Variants in CCNP observed in about 807,000 individuals in gnomAD.
The protein encoded by CCNP is cyclin-P.
A neutral mutation model predicts 19.6 loss-of-function variants in CCNP; 18 were observed. That is an observed-to-expected ratio of 0.92 (90% CI 0.64 to 1.36). The LOEUF (loss-of-function observed/expected upper bound fraction) is 1.36. Among genes scored for constraint, CCNP ranks in the 40% most tolerant of loss-of-function variants. The pLI is 0.00. For synonymous variants in CCNP, 228 were observed against 194.9 expected, an observed-to-expected ratio of 1.17 and a Z score of -1.41; for missense variants, 440 against 424.4, an observed-to-expected ratio of 1.04 and a Z score of -0.32.
rs569301505 is a variant in CCNP at position 40,223,367 on chromosome 19, C to T, written c.672+21G>A. On this transcript the variant is annotated intron_variant, in intron 4 of 4. Transcript: ENST00000430325. ...CTTCGCGCCGGCCACGCCCCCACCC[C>T]GCGTATTCACAAGGGCTCACCTGGG... is the stretch of plus-strand genomic sequence containing the variant. 3 of 1,495,614 alleles carry T rather than the reference C, an allele frequency of 2.0e-6. No individual in the cohort carries two copies. In the African/African-American group the frequency reaches 4.2e-5, roughly 21 times the overall value. The allele number at this position is 1,495,614 out of a possible 1,614,324, so 92.6% of individuals were successfully genotyped here. A position where few individuals can be genotyped will look rare whatever the true frequency, so the allele number is the denominator to read the frequency against.
At chr19:40,224,378 T>C in intron 3 of CCNP, 110 bp downstream of exon 3, 1 of 1,224,560 alleles carries the variant, frequency 8.2e-7, no homozygotes, top group Non-Finnish European at 1.2e-6. Flanking sequence ...CCCTCCCTCA[T>C]ACATGTTGGG....
intron 1 of CCNP, 136 bp downstream of exon 1, chr19:40,226,239 C>T: frequency 4.1e-6 from 3 of 732,794 alleles, no homozygotes; most frequent in Non-Finnish European, 6.6e-6. Flanking sequence ...AAAGCCTGGA[C>T]GTTGCAGGGA....
rs748875674 is a variant in CCNP at position 40,222,378 on chromosome 19, G to C, written c.*674C>G. The C allele has an allele frequency of 5.0e-6, 2 of 399,020 alleles. No homozygotes were observed. The highest frequency in any genetic ancestry group is 4.4e-6 in the Non-Finnish European group (1 of 226,084). 24.7% of individuals were successfully genotyped at this position (399,020 alleles called of 1,614,324 possible). ...AGGCTGGTCCCCTGGCGCTGGGGCC[G>C]CGCATACTTGAGGAAGACTGCGGCG... is the stretch of plus-strand genomic sequence containing the variant. On this transcript the variant is annotated 3_prime_UTR_variant, in exon 5 of 5. Coordinates refer to ENST00000430325, the MANE Select transcript of CCNP (RefSeq NM_024877.4).
rs2145115867 is a variant in CCNP, at chr19:40,223,715, C to G, written c.514-169G>C. 4 of 895,260 alleles carry G rather than the reference C, an allele frequency of 4.5e-6. No individual in the cohort carries two copies. In the East Asian group the frequency reaches 9.8e-5, roughly 22 times the overall value. The allele number at this position is 895,260 out of a possible 1,614,324, so 55.5% of individuals were successfully genotyped here. On this transcript the variant is annotated intron_variant, in intron 3 of 4. Transcript: ENST00000430325. ...AGCACGGGCTTGAGGGTCCTGGGTT[C>G]AAGACCTAGGTTCGAGTTCAAACCC...
chr19:40,223,416 A>G lies in CCNP; in HGVS notation c.644T>C (p.Leu215Pro). The change falls in exon 4 of 5, where the codon CTG becomes CCG. Residue 215 changes from leucine to proline, a missense_variant. By Grantham distance (98) the Leu-to-Pro change is moderately conservative. Transcript: ENST00000430325. ...GGGGCTGCTCCCTGCCAGCGCGGCC[A>G]GCAGCCCGAGGCACAGCAGCGGGCC... ...HPGPLLCLGL[L>P]AALAGSSPQV... The G allele has an allele frequency of 6.3e-7, 1 of 1,588,082 alleles. No individual in the cohort carries two copies. The highest frequency in any genetic ancestry group is 8.6e-7 in the Non-Finnish European group (1 of 1,168,180).
In CCNP at chr19:40,226,663, C is replaced by A. The variant is rs772911166; in HGVS notation, c.-22G>T. ...GCATCCTCCAGGAGGGTGTTGCGGG[C>A]GAGGCCAAGCACCGACCCTTGCAGC... is the stretch of plus-strand genomic sequence containing the variant. On this transcript the variant is annotated 5_prime_UTR_variant, in exon 1 of 5. Coordinates refer to ENST00000430325, the MANE Select transcript of CCNP (RefSeq NM_024877.4). 9 of 1,540,086 alleles carry A rather than the reference C, an allele frequency of 5.8e-6. No homozygotes were observed. In the South Asian group the frequency reaches 7.4e-5, roughly 13 times the overall value.
rs77486974 is a variant in CCNP, at chr19:40,224,392, C to T, written c.513+96G>A. 3,545 of 1,401,866 alleles carry T rather than the reference C, an allele frequency of 2.5e-3. 71 individuals carry two copies. The African/African-American group carries it at 0.045, about 18-fold the overall frequency. The allele number at this position is 1,401,866 out of a possible 1,614,324, so 86.8% of individuals were successfully genotyped here. A position where few individuals can be genotyped will look rare whatever the true frequency, so the allele number is the denominator to read the frequency against. On this transcript the variant is annotated intron_variant, in intron 3 of 4. Coordinates refer to ENST00000430325, the MANE Select transcript of CCNP (RefSeq NM_024877.4). ...CCCCTCCCTCATACATGTTGGGAAT[C>T]CCAGACTCAGCACGGTGCTTGGCAC...
intron 1 of CCNP, 47 bp downstream of exon 1, chr19:40,226,328 G>A (rs778579417): frequency 9.0e-6 from 14 of 1,553,506 alleles, no homozygotes; most frequent in Admixed American, 1.7e-5. Context: ...GGTGCCGGGC[G>A]GTGGGCCGGC....
intron 1 of CCNP, among the ~76,000 whole-genome samples, chr19:40,225,992 G>A (rs1973533630): frequency 1.3e-5 from 2 of 152,186 alleles, no homozygotes; most frequent in Non-Finnish European, 2.9e-5. Flanking sequence ...TTTGGTTTGC[G>A]TGGCCTTTCC....
At chr19:40,226,305 G>C in intron 1 of CCNP, 70 bp downstream of exon 1, 1 of 1,367,932 alleles carries the variant, frequency 7.3e-7, no homozygotes, top group Non-Finnish European at 1.0e-6. Flanking sequence ...GGAGTTCAGA[G>C]TGGTGTTGAG....
At position 40,223,465 on chromosome 19, in the gene CCNP, G is replaced by A. The variant is rs780876578; in HGVS notation, c.595C>T (p.Leu199=). Residue 199 remains leucine, a synonymous_variant, in exon 4 of 5, where the codon CTG becomes TTG. Coordinates refer to ENST00000430325, the MANE Select transcript of CCNP (RefSeq NM_024877.4). ...CCGGGGTGGTGCAGCCGGAAATCCA[G>A]GCGGCTCAGGATGCGACGCTCGGCG... ...LRAERRILSR[L]DFRLHHPGPL... is the part of the protein sequence containing the mutation. The A allele has an allele frequency of 6.2e-7, 1 of 1,611,086 alleles. No individual in the cohort carries two copies. Among genetic ancestry groups the A allele is most frequent in the South Asian group, 1.1e-5 (1 of 90,876 alleles).
Position 40,223,320 on chromosome 19 carries a change from G to GA in CCNP, c.673-18_673-17insT, listed in dbSNP as rs1357345694. The GA allele has an allele frequency of 2.0e-6, 3 of 1,505,278 alleles. No individual in the cohort carries two copies. The East Asian group carries it at 7.4e-5, about 37-fold the overall frequency. The allele number at this position is 1,505,278 out of a possible 1,614,324, so 93.2% of individuals were successfully genotyped here. A position where few individuals can be genotyped will look rare whatever the true frequency, so the allele number is the denominator to read the frequency against. ...TAACATCACCTGCAAGTGAGGCGGG[G>GA]CGACTGTCAGGCCACGCCCCACTTC... On this transcript the variant is annotated splice_polypyrimidine_tract_variant and intron_variant, in intron 4 of 4. Transcript: ENST00000430325.
chr19:40,222,413 G>A lies in CCNP; in HGVS notation c.*639C>T, dbSNP rs1384254568. On this transcript the variant is annotated 3_prime_UTR_variant, in exon 5 of 5. Coordinates refer to ENST00000430325, the MANE Select transcript of CCNP (RefSeq NM_024877.4). The stretch of plus-strand genomic sequence containing the variant: ...GAGGAAGACTGCGGCGCGACCCGGC[G>A]CGGGACCTCGGAGCGCAGCGCGGGC... 2.5e-6 allele frequency: 1 copy of A among 398,640 alleles called. No homozygotes were observed. Among genetic ancestry groups the A allele is most frequent in the Non-Finnish European group, 4.4e-6 (1 of 225,834 alleles). 24.7% of individuals were successfully genotyped at this position (398,640 alleles called of 1,614,324 possible). A position where few individuals can be genotyped will look rare whatever the true frequency, so the allele number is the denominator to read the frequency against.
At position 40,224,823 on chromosome 19, in the gene CCNP, G is replaced by A; in HGVS notation, c.268-12C>T. 2 of 1,548,720 alleles carry A rather than the reference G, an allele frequency of 1.3e-6. No homozygotes were observed. Among genetic ancestry groups the A allele is most frequent in the South Asian group, 2.4e-5 (2 of 83,776 alleles). On this transcript the variant is annotated splice_polypyrimidine_tract_variant and intron_variant, in intron 1 of 4. Coordinates refer to ENST00000430325, the MANE Select transcript of CCNP (RefSeq NM_024877.4). ...AGCACGCGGCACACCTGGGGTTGGG[G>A]CAGGGACGCTTCACTCTCCACACCT...
intron 2 of CCNP, 35 bp downstream of exon 2, chr19:40,224,687 C>A (rs764312304): frequency 1.2e-5 from 19 of 1,610,328 alleles, no homozygotes; most frequent in Non-Finnish European, 1.6e-5. Context: ...GGCGGCGACG[C>A]AAACTCAGCC....
chr19:40,223,509 GAGA>G lies in CCNP; in HGVS notation c.548_550del (p.Phe183del), dbSNP rs1973486709. On this transcript the variant is annotated inframe_deletion, in exon 4 of 5. Transcript: ENST00000430325. ...CTCGGCGCGCAGCAGCTCCGCCCGT[GAGA>G]AGGAGTCCGCGCTCAGGAGGCAGAG... 4 of 1,607,742 alleles carry G rather than the reference GAGA, an allele frequency of 2.5e-6. No individual in the cohort carries two copies. Among genetic ancestry groups the G allele is most frequent in the South Asian group, 1.1e-5 (1 of 90,582 alleles).
chr19:40,223,342 CTT>C, intron 4 of CCNP, 39 bp from the exon 5 acceptor site: 1 of 1,492,314 alleles, frequency 6.7e-7, no homozygotes, highest in Non-Finnish European at 9.0e-7. Context: ...CCACGCCCCA[CTT>C]CGCGCCGGCC....
chr19:40,223,542 G>A lies in CCNP; in HGVS notation c.518C>T (p.Ala173Val), dbSNP rs756076592. 5 of 1,598,488 alleles carry A rather than the reference G, an allele frequency of 3.1e-6. No homozygotes were observed. The highest frequency in any genetic ancestry group is 3.4e-6 in the Non-Finnish European group (4 of 1,169,456). Reference protein sequence around the residue: ...KMEECVLPEPAFLCLLSADSF... With the variant: ...KMEECVLPEPVFLCLLSADSF... ...GTCCGCGCTCAGGAGGCAGAGGAAG[G>A]CGGGCTGCAGATGGGGGATGCGGGG... The change falls in exon 4 of 5, where the codon GCC (alanine) becomes GTC (valine). Residue 173 changes from alanine (A) to valine (V), a missense_variant. By Grantham distance (64) the Ala-to-Val change is moderately conservative (BLOSUM62 0). Transcript: ENST00000430325.
At chr19:40,225,383 A>T (rs1032375692) in intron 1 of CCNP, among the ~76,000 whole-genome samples, 1 of 152,070 alleles carries the variant, frequency 6.6e-6, no homozygotes, top group African/African-American at 2.4e-5. Flanking sequence ...TTGACCACGA[A>T]TCCTCAACCC....
Sources: allele counts gnomAD v4.1 joint callset (sites outside exome capture counted in the v4.1 genomes callset), GRCh38; gene constraint gnomAD v4.1.1; transcripts MANE v1.5; gene names NCBI Gene and HGNC (gene_info 2026-07-23, HGNC 2026-07-21).